The following NEIL3 variants were observed in gnomAD, a reference collection of about 807,000 sequenced individuals.
NEIL3 encodes endonuclease 8-like 3.
Under a neutral mutation model 57.5 loss-of-function variants are expected in NEIL3, and 48 were observed. The observed-to-expected ratio is 0.83, with a 90% CI of 0.66 to 1.06. NEIL3 has a LOEUF of 1.06. NEIL3 is among the 50% of genes least tolerant of loss of function. The probability of loss-of-function intolerance (pLI) is 0.00; values close to 1 mark genes in which losing one functional copy is unlikely to be tolerated. For missense variants in NEIL3, 717 were observed against 739.1 expected (o/e 0.97, Z 0.35); for synonymous variants, 261 against 253.2 (o/e 1.03, Z -0.29).
chr4:177,351,388 C>CGACTA lies in NEIL3; in HGVS notation c.881_885dup (p.Asn296LeufsTer5). ...TAAAAATTATCTTATAGCAAGCTAC[C>CGACTA]GACTAGAAATACTATAATCAGTTGG... is the stretch of plus-strand genomic sequence containing the variant. On this transcript the variant is annotated frameshift_variant, in exon 7 of 10. Coordinates refer to ENST00000264596, the MANE Select transcript of NEIL3 (RefSeq NM_018248.3). LOFTEE classifies it high-confidence loss of function. The CGACTA allele has an allele frequency of 5.0e-6, 8 of 1,604,550 alleles. No individual in the cohort carries two copies. The East Asian group carries it at 1.8e-4, about 36-fold the overall frequency.
chr4:177,313,422 A>G (rs1443336198), intron 1 of NEIL3, among the ~76,000 whole-genome samples: 1 of 152,194 alleles, frequency 6.6e-6, no homozygotes, highest in Non-Finnish European at 1.5e-5. Flanking sequence ...TGGATGTACT[A>G]TATTATTTTT....
At chr4:177,341,397 A>G in intron 5 of NEIL3, 79 bp from the exon 6 acceptor site, 1 of 1,163,886 alleles carries the variant, frequency 8.6e-7, no homozygotes, top group Non-Finnish European at 1.2e-6. Flanking sequence ...TTCAGAGGTG[A>G]CTTTCGAGAA....
At chr4:177,336,604 A>G (rs1204417354) in intron 4 of NEIL3, among the ~76,000 whole-genome samples, 2 of 152,042 alleles carry the variant, frequency 1.3e-5, no homozygotes, top group East Asian at 1.9e-4. Flanking sequence ...TCCCTTTCAA[A>G]CATAACATAT....
chr4:177,338,024 T>TCTCTCA (rs71597499), intron 4 of NEIL3, among the ~76,000 whole-genome samples: 46 of 149,480 alleles, frequency 3.1e-4, no homozygotes, highest in African/African-American at 1.1e-3. Flanking sequence ...TCTCTCTCTC[T>TCTCTCA]CACACACACA....
At chr4:177,358,849 C>G (rs1246078476) in intron 8 of NEIL3, among the ~76,000 whole-genome samples, 1 of 152,136 alleles carries the variant, frequency 6.6e-6, no homozygotes, top group Non-Finnish European at 1.5e-5. Flanking sequence ...AAACAGCCGC[C>G]TCTAAAATAA....
the NEIL3 span, among the ~76,000 whole-genome samples, chr4:177,369,737 G>A: frequency 1.3e-5 from 2 of 152,140 alleles, no homozygotes; most frequent in Non-Finnish European, 2.9e-5. Context: ...ATACGACCTC[G>A]ATCTCAATGT....
intron 1 of NEIL3, among the ~76,000 whole-genome samples, chr4:177,320,959 CTTT>C (rs1243264013): frequency 7.1e-6 from 1 of 140,794 alleles, no homozygotes; most frequent in African/African-American, 2.6e-5. Flanking sequence ...GTGTCTGTCT[CTTT>C]TTTTTTTTTT....
chr4:177,366,085 G>A (rs1735688683), downstream of NEIL3, among the ~76,000 whole-genome samples: 1 of 152,290 alleles, frequency 6.6e-6, no homozygotes, highest in Admixed American at 6.5e-5. Context: ...AAGCCAGGTG[G>A]AAATCCAAAT....
intron 1 of NEIL3, among the ~76,000 whole-genome samples, chr4:177,310,929 G>A (rs1232458246): frequency 2.6e-5 from 4 of 152,174 alleles, no homozygotes; most frequent in African/African-American, 9.7e-5. Flanking sequence ...ATTAGCATAT[G>A]CTTACAACTT....
At chr4:177,338,024 T>TCTCACA (rs71597499) in intron 4 of NEIL3, among the ~76,000 whole-genome samples, 8,676 of 149,398 alleles carry the variant, frequency 0.058, 705 homozygotes, top group African/African-American at 0.19. Flanking sequence ...TCTCTCTCTC[T>TCTCACA]CACACACACA....
downstream of NEIL3, among the ~76,000 whole-genome samples, chr4:177,365,115 T>G (rs1402077911): frequency 6.6e-6 from 1 of 152,160 alleles, no homozygotes; most frequent in Non-Finnish European, 1.5e-5. Flanking sequence ...AAAAATCACT[T>G]TCAGCCAAGG....
chr4:177,322,198 G>C (rs1734698294), intron 1 of NEIL3, among the ~76,000 whole-genome samples: 1 of 152,040 alleles, frequency 6.6e-6, no homozygotes. Context: ...TATGGTCCTG[G>C]AAGAAACTTT....
intron 1 of NEIL3, among the ~76,000 whole-genome samples, chr4:177,319,560 G>A (rs1272752187): frequency 6.6e-6 from 1 of 151,986 alleles, no homozygotes; most frequent in Non-Finnish European, 1.5e-5. Context: ...CATCACCTGG[G>A]CAATGCACAC....
chr4:177,342,455 AT>A (rs1023048652), intron 6 of NEIL3, among the ~76,000 whole-genome samples: 35 of 152,208 alleles, frequency 2.3e-4, no homozygotes, highest in African/African-American at 7.2e-4. Flanking sequence ...TTATAAGATT[AT>A]GTAGTATAAA....
chr4:177,365,265 G>A (rs957476849), downstream of NEIL3, among the ~76,000 whole-genome samples: 3 of 152,134 alleles, frequency 2.0e-5, no homozygotes, highest in African/African-American at 7.2e-5. Context: ...GCATGTGAGT[G>A]TGAGTTGCCC....
chr4:177,363,230 T>A (rs1487681380), downstream of NEIL3, among the ~76,000 whole-genome samples: 4 of 152,204 alleles, frequency 2.6e-5, no homozygotes, highest in Admixed American at 2.6e-4. Context: ...TTCTGTATGC[T>A]TGTAAAAAAA....
intron 1 of NEIL3, among the ~76,000 whole-genome samples, chr4:177,315,680 TA>T (rs1560906710): frequency 6.6e-6 from 1 of 152,186 alleles, no homozygotes; most frequent in East Asian, 1.9e-4. Context: ...TTGTACACAA[TA>T]GCTCTTAAAA....
chr4:177,338,917 T>C (rs934999445), intron 4 of NEIL3, among the ~76,000 whole-genome samples: 9 of 152,324 alleles, frequency 5.9e-5, no homozygotes, highest in Admixed American at 3.3e-4. Context: ...GCTGAGACTT[T>C]GAAGATGTCT....
At chr4:177,343,732 A>T (rs927552426) in intron 6 of NEIL3, 1 of 151,680 alleles carries the variant, frequency 6.6e-6, no homozygotes, top group African/African-American at 2.4e-5. Context: ...AAATACATTT[A>T]GATAATTTTA....
Sources: gnomAD v4.1 joint callset for allele counts (sites outside exome capture counted in the v4.1 genomes callset) on GRCh38, gnomAD v4.1.1 for gene constraint, MANE v1.5 for transcripts, NCBI Gene and HGNC (gene_info 2026-07-23, HGNC 2026-07-21) for gene names.